The following CDC42EP4 variants were observed in gnomAD, a reference collection of about 807,000 sequenced individuals.
CDC42EP4 encodes the protein CDC42 effector protein 4.
A neutral mutation model predicts 5.6 loss-of-function variants in CDC42EP4; 6 were observed. That is an observed-to-expected ratio of 1.07 (90% CI 0.59 to 2.12). The LOEUF is 2.12. Ranked by LOEUF, CDC42EP4 falls within the 30% of genes most tolerant of loss-of-function variation. The probability of loss-of-function intolerance (pLI) is 0.00; values close to 1 mark genes in which losing one functional copy is unlikely to be tolerated. For missense variants in CDC42EP4, 490 were observed against 508.6 expected (o/e 0.96, Z 0.35); for synonymous variants, 230 against 224.2 (o/e 1.03, Z -0.23).
rs372149032 is a variant in CDC42EP4, at chr17:73,303,211, C to T, written c.-113+8682G>A. Among the ~76,000 whole-genome samples, 112 of 150,798 alleles carry T rather than the reference C, an allele frequency of 7.4e-4. No homozygotes were observed. In the Middle Eastern group the frequency reaches 0.014, roughly 20 times the overall value. ...ATACAAAATTAGCTGGGCGTGGTGGCGCATGCCTGTAATCCTAGCTACTCG... is the reference window on the plus strand; with the variant it reads ...ATACAAAATTAGCTGGGCGTGGTGGTGCATGCCTGTAATCCTAGCTACTCG... On this transcript the variant is annotated intron_variant, in intron 1 of 1. Transcript: ENST00000335793.
At chr17:73,295,551 G>C (rs1182773946) in intron 1 of CDC42EP4, among the ~76,000 whole-genome samples, 1 of 152,194 alleles carries the variant, frequency 6.6e-6, no homozygotes, top group Admixed American at 6.5e-5. Flanking sequence ...CCAGGGTGGG[G>C]TGGTCTTGCG....
At position 73,286,539 on chromosome 17, in the gene CDC42EP4, G is replaced by C; in HGVS notation, c.-39C>G. 1 of 1,505,592 alleles carries C rather than the reference G, an allele frequency of 6.6e-7. No homozygotes were observed. Among genetic ancestry groups the C allele is most frequent in the Non-Finnish European group, 9.0e-7 (1 of 1,115,264 alleles). 93.3% of individuals were successfully genotyped at this position (1,505,592 alleles called of 1,614,324 possible). On this transcript the variant is annotated 5_prime_UTR_variant, in exon 2 of 2. Coordinates refer to ENST00000335793, the MANE Select transcript of CDC42EP4 (RefSeq NM_012121.5). The surrounding 1 kb of genome is among the most constrained non-coding windows in gnomAD (Gnocchi z 7.7). ...CGGGGAGGTGGGCCCTCCCGAGGTAGCCGGCAGGTCTGGGGTCAGATCTGA... is the reference window on the plus strand; with the variant it reads ...CGGGGAGGTGGGCCCTCCCGAGGTACCCGGCAGGTCTGGGGTCAGATCTGA...
chr17:73,295,906 CAAAAAA>C (rs200176195), intron 1 of CDC42EP4, among the ~76,000 whole-genome samples: 1 of 101,904 alleles, frequency 9.8e-6, no homozygotes, highest in Non-Finnish European at 2.1e-5. Flanking sequence ...ACTCCATCTC[CAAAAAA>C]AAAAAAAAAA....
At chr17:73,309,229 T>C (rs2145331835) in intron 1 of CDC42EP4, among the ~76,000 whole-genome samples, 1 of 151,766 alleles carries the variant, frequency 6.6e-6, no homozygotes, top group Admixed American at 6.6e-5. Flanking sequence ...GCGCCAGTAG[T>C]CCCAGCTACT....
intron 1 of CDC42EP4, among the ~76,000 whole-genome samples, chr17:73,306,278 T>C (rs1201778391): frequency 2.0e-5 from 3 of 151,730 alleles, no homozygotes; most frequent in African/African-American, 4.8e-5. Flanking sequence ...GGAGGATCGC[T>C]TGAGCCCAGG....
chr17:73,293,589 A>G (rs1348532142), intron 1 of CDC42EP4, among the ~76,000 whole-genome samples: 2 of 152,174 alleles, frequency 1.3e-5, no homozygotes, highest in East Asian at 3.9e-4. Flanking sequence ...GCCGAAACAC[A>G]GGTGGCATTC....
At chr17:73,290,723 A>T (rs2062157330) in intron 1 of CDC42EP4, among the ~76,000 whole-genome samples, 1 of 152,208 alleles carries the variant, frequency 6.6e-6, no homozygotes, top group East Asian at 1.9e-4. Flanking sequence ...GCGGGTGTGG[A>T]TGGTCAGAAC....
Position 73,285,827 on chromosome 17 carries a change from A to C in CDC42EP4, c.674T>G (p.Met225Arg), listed in dbSNP as rs1205928817. 2.5e-6 allele frequency: 4 copies of C among 1,612,620 alleles called. No homozygotes were observed. The African/African-American group carries it at 5.3e-5, about 22-fold the overall frequency. Residue 225 changes from methionine to arginine, a missense_variant, in exon 2 of 2, where the codon ATG becomes AGG. By Grantham distance (91) the Met-to-Arg change is moderately conservative. Coordinates refer to ENST00000335793, the MANE Select transcript of CDC42EP4 (RefSeq NM_012121.5). The surrounding 1 kb of genome is among the most constrained non-coding windows in gnomAD (Gnocchi z 6.8). ...CTCGGGGTCCCACTCCTCCTTGTCCATGATGCTGAGGACGTCACCCAGCAT... is the reference window on the plus strand; with the variant it reads ...CTCGGGGTCCCACTCCTCCTTGTCCCTGATGCTGAGGACGTCACCCAGCAT... ...PSMLGDVLSI[M>R]DKEEWDPEEG...
At chr17:73,301,712 T>G (rs1437037780) in intron 1 of CDC42EP4, among the ~76,000 whole-genome samples, 1 of 133,938 alleles carries the variant, frequency 7.5e-6, no homozygotes, top group Non-Finnish European at 1.5e-5. Context: ...ATGCCCAGCT[T>G]TTTTTTTTTT....
intron 1 of CDC42EP4, among the ~76,000 whole-genome samples, chr17:73,288,570 C>A (rs922917878): frequency 1.3e-5 from 2 of 152,044 alleles, no homozygotes; most frequent in Admixed American, 6.6e-5. Context: ...CCTGGTCCAT[C>A]CAGAGGGTTT....
Position 73,286,835 on chromosome 17 carries a change from G to A in CDC42EP4, c.-112-223C>T, listed in dbSNP as rs944682652. 5.4e-5 allele frequency: 14 copies of A among 257,746 alleles called. No homozygotes were observed. Among genetic ancestry groups the A allele is most frequent in the East Asian group, 4.3e-4 (6 of 13,978 alleles). The allele number at this position is 257,746 out of a possible 1,614,324, so 16.0% of individuals were successfully genotyped here. ...ATCTGGTTAGAGTTCCAGTAGCCTC[G>A]GACACACTTTCCCTGAAACTTGAGA... On this transcript the variant is annotated intron_variant, in intron 1 of 1. Coordinates refer to ENST00000335793, the MANE Select transcript of CDC42EP4 (RefSeq NM_012121.5). This position sits in a 1 kb window ranked among gnomAD's most constrained non-coding sequence, Gnocchi z 7.7.
chr17:73,309,579 G>A (rs1275581569), intron 1 of CDC42EP4, among the ~76,000 whole-genome samples: 1 of 152,078 alleles, frequency 6.6e-6, no homozygotes, highest in African/African-American at 2.4e-5. Context: ...GGGAAAGAGA[G>A]AAACGAGGGG....
chr17:73,287,368 A>T (rs1599429155), intron 1 of CDC42EP4, among the ~76,000 whole-genome samples: 1 of 152,274 alleles, frequency 6.6e-6, no homozygotes, highest in East Asian at 1.9e-4. Context: ...GGAGATCAAG[A>T]TTGGGCAACT....
chr17:73,286,662 G>T lies in CDC42EP4; in HGVS notation c.-112-50C>A. The T allele has an allele frequency of 1.7e-6, 1 of 601,476 alleles. No homozygotes were observed. The highest frequency in any genetic ancestry group is 2.8e-5 in the East Asian group (1 of 36,118). 37.3% of individuals were successfully genotyped at this position (601,476 alleles called of 1,614,324 possible). A position where few individuals can be genotyped will look rare whatever the true frequency, so the allele number is the denominator to read the frequency against. On this transcript the variant is annotated intron_variant, in intron 1 of 1. Coordinates refer to ENST00000335793, the MANE Select transcript of CDC42EP4 (RefSeq NM_012121.5). The surrounding 1 kb of genome is among the most constrained non-coding windows in gnomAD (Gnocchi z 7.7). Reference sequence around the variant, plus strand: ...AGGATTAACGCGGGCTGGCCACACGGCACAAAAGCCTCTTTGCCAGGGGAC... The same window carrying T: ...AGGATTAACGCGGGCTGGCCACACGTCACAAAAGCCTCTTTGCCAGGGGAC...
chr17:73,297,001 A>AAAAAAAAAAACAAAAAAAAAACAC (rs547362762), intron 1 of CDC42EP4, among the ~76,000 whole-genome samples: 1 of 61,734 alleles, frequency 1.6e-5, no homozygotes, highest in Non-Finnish European at 3.3e-5. Flanking sequence ...AAAAAAAAAA[A>AAAAAAAAAAACAAAAAAAAAACAC]AAATACACAA....
At position 73,285,635 on chromosome 17, in the gene CDC42EP4, G is replaced by C; in HGVS notation, c.866C>G (p.Ala289Gly). 6.3e-7 allele frequency: 1 copy of C among 1,597,878 alleles called. No homozygotes were observed. The highest frequency in any genetic ancestry group is 8.5e-7 in the Non-Finnish European group (1 of 1,170,908). Reference sequence around the variant, plus strand: ...GCGGGCTGAGCCGGGGCTGGGGGCCGCTGCTGCCCACCCCTCATCCTCCAG... The same window carrying C: ...GCGGGCTGAGCCGGGGCTGGGGGCCCCTGCTGCCCACCCCTCATCCTCCAG... ...HALEDEGWAA[A>G]APSPGSARSM... is the part of the protein sequence containing the mutation. Residue 289 changes from alanine (A) to glycine (G), a missense_variant, in exon 2 of 2, where the codon GCG becomes GGG. Ala to Gly is a moderately conservative substitution (Grantham distance 60). Coordinates refer to ENST00000335793, the MANE Select transcript of CDC42EP4 (RefSeq NM_012121.5). The surrounding 1 kb of genome is among the most constrained non-coding windows in gnomAD (Gnocchi z 6.8).
intron 1 of CDC42EP4, among the ~76,000 whole-genome samples, chr17:73,303,736 C>T (rs148226679): frequency 1.9e-4 from 29 of 152,152 alleles, no homozygotes; most frequent in African/African-American, 6.7e-4. Context: ...GCATAAAATT[C>T]CATATGTGAC....
intron 1 of CDC42EP4, among the ~76,000 whole-genome samples, chr17:73,301,965 C>T (rs1244988977): frequency 6.6e-6 from 1 of 152,222 alleles, no homozygotes; most frequent in Non-Finnish European, 1.5e-5. Context: ...GCTGGGATTA[C>T]AGGCGTGAGC....
At chr17:73,310,314 T>G (rs922501060) in intron 1 of CDC42EP4, 1 of 152,340 alleles carries the variant, frequency 6.6e-6, no homozygotes. Context: ...AGAAGTCGCC[T>G]TGCAGGAGGC....
Sources: gnomAD v4.1 joint callset for allele counts (sites outside exome capture counted in the v4.1 genomes callset) on GRCh38, gnomAD v4.1.1 for gene constraint, Gnocchi (gnomAD v3.1) non-coding constraint, MANE v1.5 for transcripts, NCBI Gene and HGNC (gene_info 2026-07-23, HGNC 2026-07-21) for gene names.